Variants in EDA observed in about 807,000 individuals in gnomAD.
EDA encodes the protein ectodysplasin A.
EDA carries 2 observed loss-of-function variants against 23.6 expected under a neutral mutation model. The observed-to-expected ratio is 0.08, with a 90% CI of 0.03 to 0.27. The LOEUF (loss-of-function observed/expected upper bound fraction) is 0.27. Ranked by LOEUF, EDA falls within the 10% of genes least tolerant of loss-of-function variation. The pLI, the probability that EDA is intolerant of heterozygous loss-of-function variation, is 1.00. For missense variants in EDA, 229 were observed against 324.2 expected (o/e 0.71, Z 2.26); for synonymous variants, 131 against 132.0 (o/e 0.99, Z 0.05).
intron 1 of EDA, among the ~76,000 whole-genome samples, chrX:69,770,747 C>CTT (rs59754402): frequency 5.3e-4 from 57 of 108,506 alleles, no homozygotes; most frequent in Middle Eastern, 4.7e-3. Context: ...AACTTAATCA[C>CTT]TTTTTTTTGA....
intron 1 of EDA, chrX:69,617,006 G>GCC (rs5902659): frequency 1.2e-5 from 5 of 419,038 alleles, no homozygotes; most frequent in Non-Finnish European, 2.1e-5. Flanking sequence ...TGCCTGCGCT[G>GCC]CCCCCCGGCC....
chrX:70,009,779 G>T (rs1204117229), intron 2 of EDA, among the ~76,000 whole-genome samples: 3 of 111,024 alleles, frequency 2.7e-5, no homozygotes, highest in Non-Finnish European at 5.7e-5. Context: ...TAGAGACAGG[G>T]TTTCACCAGG....
chrX:69,945,166 T>C (rs1055684499), intron 1 of EDA, among the ~76,000 whole-genome samples: 2 of 111,870 alleles, frequency 1.8e-5, no homozygotes, highest in African/African-American at 3.3e-5. Flanking sequence ...TTGGTTCTTA[T>C]TAAGGTGGTT....
chrX:69,801,915 T>G (rs2147488721), intron 1 of EDA, among the ~76,000 whole-genome samples: 1 of 111,672 alleles, frequency 9.0e-6, no homozygotes, highest in South Asian at 3.7e-4. Flanking sequence ...TGTAAATAGT[T>G]ACAACCACTT....
intron 1 of EDA, among the ~76,000 whole-genome samples, chrX:69,790,382 G>A (rs1014649470): frequency 6.4e-5 from 7 of 109,911 alleles, no homozygotes; most frequent in Non-Finnish European, 1.9e-5. Flanking sequence ...GAAAGAGAAA[G>A]AATGTGTTCA....
Position 70,027,930 on chromosome X carries a change from AGGAATTCCAGGGATTCCT to A in EDA, c.612_629del (p.Ile205_Gly210del), listed in dbSNP as rs1064793104. ...GACCTCCAGGACCCCAGGGACCCCC[AGGAATTCCAGGGATTCCT>A]GGAATTCCAGGAACAACTGTTATGG... On this transcript the variant is annotated inframe_deletion, in exon 4 of 8. Transcript: ENST00000374552. The A allele has an allele frequency of 8.5e-7, 1 of 1,179,404 alleles. No homozygotes were observed. The highest frequency in any genetic ancestry group is 2.4e-5 in the Admixed American group (1 of 41,769).
intron 1 of EDA, among the ~76,000 whole-genome samples, chrX:69,938,502 G>A (rs765279588): frequency 2.7e-5 from 3 of 111,469 alleles, no homozygotes; most frequent in Non-Finnish European, 5.7e-5. Context: ...TATATATTCT[G>A]GTTATTAATC....
At chrX:69,678,446 A>C (rs1285593516) in intron 1 of EDA, among the ~76,000 whole-genome samples, 1 of 111,849 alleles carries the variant, frequency 8.9e-6, no homozygotes, top group Admixed American at 9.5e-5. Flanking sequence ...GATTCTTCCT[A>C]CCCATAAGCA....
chrX:69,944,158 G>T (rs2018802302), intron 1 of EDA, among the ~76,000 whole-genome samples: 2 of 111,815 alleles, frequency 1.8e-5, no homozygotes, highest in Non-Finnish European at 3.8e-5. Context: ...CCCACTTGGT[G>T]CTCTACCCCA....
intron 1 of EDA, among the ~76,000 whole-genome samples, chrX:69,915,860 A>AG (rs1278117532): frequency 2.7e-5 from 3 of 111,412 alleles, no homozygotes; most frequent in African/African-American, 9.8e-5. Context: ...CTGGGGCGGG[A>AG]GAGGGCAGAG....
intron 1 of EDA, among the ~76,000 whole-genome samples, chrX:69,954,514 T>A (rs1435148929): frequency 8.9e-6 from 1 of 112,078 alleles, no homozygotes; most frequent in African/African-American, 3.2e-5. Context: ...TGAGGTCATT[T>A]AATGTACAGG....
intron 1 of EDA, among the ~76,000 whole-genome samples, chrX:69,619,425 A>G (rs1932097442): frequency 8.9e-6 from 1 of 112,180 alleles, no homozygotes; most frequent in Non-Finnish European, 1.9e-5. Context: ...GGACCTGGAA[A>G]TCACTGTAGA....
intron 1 of EDA, among the ~76,000 whole-genome samples, chrX:69,883,430 G>A (rs1419319501): frequency 1.8e-5 from 2 of 111,997 alleles, no homozygotes; most frequent in Non-Finnish European, 3.8e-5. Context: ...CTCAAGGTGG[G>A]CAGATGAATT....
chrX:69,892,342 A>G (rs1373486508), intron 1 of EDA, among the ~76,000 whole-genome samples: 1 of 111,965 alleles, frequency 8.9e-6, no homozygotes, highest in East Asian at 2.8e-4. Context: ...AAAATGATGC[A>G]GATAGAGAAA....
chrX:69,693,188 G>C (rs1934762170), intron 1 of EDA: 1 of 111,177 alleles, frequency 9.0e-6, no homozygotes, highest in Non-Finnish European at 1.9e-5. Context: ...GTCTAATTGA[G>C]CAAAGAACTA....
chrX:69,907,790 G>T (rs2147650259), intron 1 of EDA, among the ~76,000 whole-genome samples: 1 of 111,077 alleles, frequency 9.0e-6, no homozygotes, highest in African/African-American at 3.3e-5. Flanking sequence ...GGTTAAGAAG[G>T]AATTTTTGAA....
chrX:69,993,006 T>C (rs188505884), intron 2 of EDA, among the ~76,000 whole-genome samples: 3 of 111,002 alleles, frequency 2.7e-5, no homozygotes, highest in Admixed American at 9.6e-5. Context: ...AAGAATCTTA[T>C]TCTACTTTTT....
intron 1 of EDA, among the ~76,000 whole-genome samples, chrX:69,744,963 G>T (rs371521118): frequency 9.0e-6 from 1 of 111,525 alleles, no homozygotes; most frequent in Non-Finnish European, 1.9e-5. Context: ...TCACGTCCAG[G>T]TAGCATCATA....
chrX:69,892,022 A>G (rs761534640), intron 1 of EDA, among the ~76,000 whole-genome samples: 6 of 112,086 alleles, frequency 5.4e-5, no homozygotes, highest in Non-Finnish European at 1.1e-4. Context: ...AAGTTTGTTA[A>G]ACCTTCATGT....
Sources: allele counts gnomAD v4.1 joint callset (sites outside exome capture counted in the v4.1 genomes callset), GRCh38; gene constraint gnomAD v4.1.1; transcripts MANE v1.5; gene names NCBI Gene and HGNC (gene_info 2026-07-23, HGNC 2026-07-21).